The following B3GNT3 variants were observed in gnomAD, a reference collection of about 807,000 sequenced individuals.
B3GNT3 encodes the protein N-acetyllactosaminide beta-1,3-N-acetylglucosaminyltransferase 3.
B3GNT3 carries 7 observed loss-of-function variants against 11.6 expected under a neutral mutation model. The ratio of observed to expected loss-of-function variants is 0.60; its 90% CI spans 0.34 to 1.13. The LOEUF (loss-of-function observed/expected upper bound fraction) is 1.13, where lower values mean the gene tolerates loss of function less well. Among genes scored for constraint, B3GNT3 ranks in the 50% most tolerant of loss-of-function variants. The probability of loss-of-function intolerance (pLI) is 0.03; values close to 1 mark genes in which losing one functional copy is unlikely to be tolerated. For synonymous variants in B3GNT3, 201 were observed against 222.1 expected, an observed-to-expected ratio of 0.90 and a Z score of 0.85; for missense variants, 400 against 507.4, an observed-to-expected ratio of 0.79 and a Z score of 2.03.
At chr19:17,807,428 G>A (rs1479507963) in intron 1 of B3GNT3, among the ~76,000 whole-genome samples, 1 of 151,234 alleles carries the variant, frequency 6.6e-6, no homozygotes, top group Non-Finnish European at 1.5e-5. Context: ...TGAGGTGGAG[G>A]CTGCAGTAAG....
intron 1 of B3GNT3, 83 bp from the exon 2 acceptor site, chr19:17,807,675 T>G: frequency 3.5e-6 from 3 of 858,082 alleles, no homozygotes; most frequent in Non-Finnish European, 5.3e-6. Context: ...CCTGAGCAAC[T>G]GTACAGGTGC....
chr19:17,805,106 A>T (rs1374116110), intron 1 of B3GNT3, among the ~76,000 whole-genome samples: 3 of 132,040 alleles, frequency 2.3e-5, no homozygotes, highest in Admixed American at 7.8e-5. Flanking sequence ...GACCACAGGG[A>T]TTTTTTTTTT....
chr19:17,812,189 G>T lies in B3GNT3; in HGVS notation c.*67G>T. The T allele has an allele frequency of 6.8e-7, 1 of 1,477,334 alleles. No individual in the cohort carries two copies. The highest frequency in any genetic ancestry group is 9.0e-7 in the Non-Finnish European group (1 of 1,115,932). The allele number at this position is 1,477,334 out of a possible 1,614,324, so 91.5% of individuals were successfully genotyped here. ...AGGAAGGGGCGACACCTTCCTCCCAGGAAGCTGAGACCTTTGTGGTCTGAG... is the reference window on the plus strand; with the variant it reads ...AGGAAGGGGCGACACCTTCCTCCCATGAAGCTGAGACCTTTGTGGTCTGAG... On this transcript the variant is annotated 3_prime_UTR_variant, in exon 3 of 3. Coordinates refer to ENST00000318683, the MANE Select transcript of B3GNT3 (RefSeq NM_014256.4).
In B3GNT3 at chr19:17,808,232, G is replaced by T. The variant is rs770788961; in HGVS notation, c.425G>T (p.Arg142Leu). Residue 142 changes from arginine to leucine, a missense_variant, in exon 2 of 3, where the codon CGC becomes CTC. By Grantham distance (102) the Arg-to-Leu change is moderately radical. Transcript: ENST00000318683. ...RERKVRGLQL[R>L]LLFLVGTASN... ...CGCAAGGTACGGGGTTTGCAGCTGC[G>T]CCTCCTCTTCCTGGTGGGCACAGCC... is the stretch of plus-strand genomic sequence containing the variant. The T allele has an allele frequency of 6.2e-7, 1 of 1,613,446 alleles. No individual in the cohort carries two copies. Among genetic ancestry groups the T allele is most frequent in the Non-Finnish European group, 8.5e-7 (1 of 1,179,774 alleles).
rs1305701555 is a variant in B3GNT3 at position 17,808,098 on chromosome 19, C to T, written c.291C>T (p.Asp97=). The T allele has an allele frequency of 6.2e-7, 1 of 1,613,798 alleles. No individual in the cohort carries two copies. The highest frequency in any genetic ancestry group is 8.5e-7 in the Non-Finnish European group (1 of 1,179,932). Residue 97 remains aspartate, a synonymous_variant, in exon 2 of 3, where the codon GAC becomes GAT. Coordinates refer to ENST00000318683, the MANE Select transcript of B3GNT3 (RefSeq NM_014256.4). ...RHCRHFPLLQ[D]VPPSKCAQPV... ...GCCGCCACTTTCCCCTGCTGCAGGA[C>T]GTGCCCCCCTCTAAGTGCGCGCAGC...
At position 17,813,310 on chromosome 19, in the gene B3GNT3, G is replaced by A. The variant is rs1042868956; in HGVS notation, c.*1188G>A. Among the ~76,000 whole-genome samples the A allele has an allele frequency of 6.6e-6, 1 of 152,106 alleles. No individual in the cohort carries two copies. Among genetic ancestry groups the A allele is most frequent in the African/African-American group, 2.4e-5 (1 of 41,416 alleles). ...CAAAATAAAAAATTACTCAGGCGTG[G>A]TGGTGCTCACATGCCTGTAGTCCCA... On this transcript the variant is annotated 3_prime_UTR_variant, in exon 3 of 3. Transcript: ENST00000318683.
chr19:17,810,400 ACT>A (rs902409073), intron 2 of B3GNT3, among the ~76,000 whole-genome samples: 3 of 151,970 alleles, frequency 2.0e-5, no homozygotes, highest in African/African-American at 7.2e-5. Flanking sequence ...ACAGAGTGAG[ACT>A]CTGTCTCAAA....
In B3GNT3 at chr19:17,807,963, A is replaced by ACCCCCCCCCCCCCC; in HGVS notation, c.159_160insCCCCCCCCCCCCCC (p.Thr54ProfsTer64). ...CCGAGGCCCTGGCCTGGCCCACTCC[A>ACCCCCCCCCCCCCC]CCCACCCGCCCAGCCCCGGCCCCGT... is the stretch of plus-strand genomic sequence containing the variant. On this transcript the variant is annotated frameshift_variant, in exon 2 of 3. Transcript: ENST00000318683. LOFTEE classifies it high-confidence loss of function. 1 of 1,223,222 alleles carries ACCCCCCCCCCCCCC rather than the reference A, an allele frequency of 8.2e-7. No individual in the cohort carries two copies. The highest frequency in any genetic ancestry group is 1.2e-5 in the South Asian group (1 of 83,010). 75.8% of individuals were successfully genotyped at this position (1,223,222 alleles called of 1,614,324 possible).
rs1377161931 is a variant in B3GNT3, at chr19:17,811,864, C to T, written c.861C>T (p.Ala287=). The T allele has an allele frequency of 6.2e-7, 1 of 1,614,178 alleles. No homozygotes were observed. The highest frequency in any genetic ancestry group is 1.7e-5 in the Admixed American group (1 of 60,022). The change falls in exon 3 of 3, where the codon GCC becomes GCT. Residue 287 remains alanine, a synonymous_variant. Transcript: ENST00000318683. This position sits in a 1 kb window ranked among gnomAD's most constrained non-coding sequence, Gnocchi z 4.1. ...CGGCCGCTGCCCTGCGCCGTGCTGC[C>T]CATGTCTTGGACATCTTCCCCATTG... The part of the protein sequence containing the change: ...RFTAAALRRA[A]HVLDIFPIDD...
chr19:17,805,196 G>A lies in B3GNT3; in HGVS notation c.-50-2562G>A, dbSNP rs58813436. Among the ~76,000 whole-genome samples, 1,171 of 151,010 alleles carry A rather than the reference G, an allele frequency of 7.8e-3. 14 individuals carry two copies. The highest frequency in any genetic ancestry group is 0.027 in the African/African-American group (1,107 of 40,982). On this transcript the variant is annotated intron_variant, in intron 1 of 2. Transcript: ENST00000318683. ...CTCACTGCAGCCTCAAACTCCTGGG[G>A]TCAGGCAATCCTCCCACCTCAACCT... is the stretch of plus-strand genomic sequence containing the variant.
At chr19:17,800,190 C>T (rs35663425) in intron 1 of B3GNT3, among the ~76,000 whole-genome samples, 21,296 of 152,094 alleles carry the variant, frequency 0.14, 1,874 homozygotes, top group Non-Finnish European at 0.2. Context: ...GCCTGGCCAA[C>T]GCGCTGAAAC....
At chr19:17,800,654 T>C (rs1005085671) in intron 1 of B3GNT3, among the ~76,000 whole-genome samples, 1 of 152,116 alleles carries the variant, frequency 6.6e-6, no homozygotes, top group Non-Finnish European at 1.5e-5. Flanking sequence ...AGACTGTTTG[T>C]GGCTTGTTAA....
rs1486610288 is a variant in B3GNT3 at position 17,811,827 on chromosome 19, T to C, written c.824T>C (p.Leu275Pro). Residue 275 changes from leucine to proline, a missense_variant, in exon 3 of 3, where the codon CTG (leucine) becomes CCG (proline). Coordinates refer to ENST00000318683, the MANE Select transcript of B3GNT3 (RefSeq NM_014256.4). The surrounding 1 kb of genome is among the most constrained non-coding windows in gnomAD (Gnocchi z 4.1). Reference protein sequence around the residue: ...PPYCGGGGFLLSRFTAAALRR... With the variant: ...PPYCGGGGFLPSRFTAAALRR... ...TATTGTGGGGGTGGTGGCTTCTTGCTGTCCCGCTTCACGGCCGCTGCCCTG... is the reference window on the plus strand; with the variant it reads ...TATTGTGGGGGTGGTGGCTTCTTGCCGTCCCGCTTCACGGCCGCTGCCCTG... 6.2e-7 allele frequency: 1 copy of C among 1,614,254 alleles called. No homozygotes were observed. Among genetic ancestry groups the C allele is most frequent in the Non-Finnish European group, 8.5e-7 (1 of 1,180,042 alleles).
chr19:17,805,597 C>T (rs1023078596), intron 1 of B3GNT3, among the ~76,000 whole-genome samples: 4 of 152,144 alleles, frequency 2.6e-5, no homozygotes, highest in Non-Finnish European at 5.9e-5. Flanking sequence ...TCAGCCTCCT[C>T]GCTCTGCCAC....
At chr19:17,799,869 C>G (rs1254127836) in intron 1 of B3GNT3, among the ~76,000 whole-genome samples, 2 of 152,170 alleles carry the variant, frequency 1.3e-5, no homozygotes, top group Non-Finnish European at 2.9e-5. Context: ...GTTTCCTCAT[C>G]TGGAAAGTGG....
chr19:17,803,472 T>C (rs2094168862), intron 1 of B3GNT3, among the ~76,000 whole-genome samples: 1 of 152,102 alleles, frequency 6.6e-6, no homozygotes, highest in Non-Finnish European at 1.5e-5. Flanking sequence ...GGAAGTGGGT[T>C]CTGGAGGATG....
At chr19:17,804,143 C>T (rs950741742) in intron 1 of B3GNT3, among the ~76,000 whole-genome samples, 2 of 152,124 alleles carry the variant, frequency 1.3e-5, no homozygotes, top group African/African-American at 4.8e-5. Flanking sequence ...TCTTTTTCCA[C>T]CCCCTAACAT....
At position 17,811,726 on chromosome 19, in the gene B3GNT3, C is replaced by T. The variant is rs1476091380; in HGVS notation, c.723C>T (p.Asn241=). The part of the protein sequence containing the change: ...RHLFVGQLIQ[N]VGPIRAFWSK... Reference sequence around the variant, plus strand: ...TCTTCGTGGGGCAACTGATCCAAAACGTGGGCCCCATCCGGGCTTTTTGGA... The same window carrying T: ...TCTTCGTGGGGCAACTGATCCAAAATGTGGGCCCCATCCGGGCTTTTTGGA... Residue 241 remains asparagine (N), a synonymous_variant, in exon 3 of 3, where the codon AAC becomes AAT. Coordinates refer to ENST00000318683, the MANE Select transcript of B3GNT3 (RefSeq NM_014256.4). The surrounding 1 kb of genome is among the most constrained non-coding windows in gnomAD (Gnocchi z 4.1). The T allele has an allele frequency of 9.9e-6, 16 of 1,614,100 alleles. No homozygotes were observed. Among genetic ancestry groups the T allele is most frequent in the Non-Finnish European group, 1.2e-5 (14 of 1,180,044 alleles).
intron 2 of B3GNT3, 94 bp downstream of exon 2, chr19:17,808,468 C>T (rs919074665): frequency 1.5e-6 from 2 of 1,306,000 alleles, no homozygotes; most frequent in Non-Finnish European, 2.1e-6. Context: ...CAGAAGTCCT[C>T]GTCAGTCCAT....
Sources: gnomAD v4.1 joint callset for allele counts (sites outside exome capture counted in the v4.1 genomes callset) on GRCh38, gnomAD v4.1.1 for gene constraint, Gnocchi (gnomAD v3.1) non-coding constraint, MANE v1.5 for transcripts, NCBI Gene and HGNC (gene_info 2026-07-23, HGNC 2026-07-21) for gene names.